The following GSTM4 variants were observed in gnomAD, a reference collection of about 807,000 sequenced individuals.
GSTM4 encodes the protein GST class-mu 4.
In GSTM4, 27 loss-of-function variants were observed where a neutral mutation model predicts 30.1. The ratio of observed to expected loss-of-function variants is 0.90; its 90% CI spans 0.66 to 1.24. The LOEUF (loss-of-function observed/expected upper bound fraction) is 1.24, where lower values mean the gene tolerates loss of function less well. Among genes scored for constraint, GSTM4 ranks in the 50% most tolerant of loss-of-function variants. The pLI is 0.00. For synonymous variants in GSTM4, 94 were observed against 96.2 expected (o/e 0.98, Z 0.13); for missense variants, 238 against 272.1 (o/e 0.87, Z 0.88).
rs146765119 is a variant in GSTM4 at position 109,661,472 on chromosome 1, A to G, written c.*218A>G. ...AAGCCTCAGCTACCCACTTTCCTTC[A>G]TGAACATCCCCCTCCCAACACTACC... On this transcript the variant is annotated 3_prime_UTR_variant, in exon 8 of 8. Transcript: ENST00000369836. 1.8e-3 allele frequency: 2,538 copies of G among 1,407,010 alleles called. 29 individuals carry two copies. The South Asian group carries it at 0.02, about 11-fold the overall frequency. The allele number at this position is 1,407,010 out of a possible 1,614,324, so 87.2% of individuals were successfully genotyped here.
downstream of GSTM4, among the ~76,000 whole-genome samples, chr1:109,666,456 CAGAG>C (rs1156434627): frequency 6.6e-6 from 1 of 152,198 alleles, no homozygotes; most frequent in African/African-American, 2.4e-5. Flanking sequence ...GTCTGACTGG[CAGAG>C]AGAGTCCCAT....
chr1:109,664,954 G>T (rs1647256436), downstream of GSTM4: 3 of 1,600,648 alleles, frequency 1.9e-6, no homozygotes, highest in Admixed American at 1.7e-5. Context: ...TGATCTTGTG[G>T]CAGTCAAGAC....
At position 109,656,993 on chromosome 1, in the gene GSTM4, G is replaced by T. The variant is rs185093708; in HGVS notation, c.112+206G>T. The T allele has an allele frequency of 2.9e-5, 23 of 780,060 alleles. No individual in the cohort carries two copies. In the African/African-American group the frequency reaches 3.3e-4, roughly 11 times the overall value. 48.3% of individuals were successfully genotyped at this position (780,060 alleles called of 1,614,324 possible). A position where few individuals can be genotyped will look rare whatever the true frequency, so the allele number is the denominator to read the frequency against. On this transcript the variant is annotated intron_variant, in intron 2 of 7. Coordinates refer to ENST00000369836, the MANE Select transcript of GSTM4 (RefSeq NM_000850.5). Reference sequence around the variant, plus strand: ...CTGGGCCCCCTGTTTAATTGGGTTGGGTGTCCCTCAGAGCTTCCCTAAACC... The same window carrying T: ...CTGGGCCCCCTGTTTAATTGGGTTGTGTGTCCCTCAGAGCTTCCCTAAACC...
chr1:109,665,405 G>A (rs377416853), downstream of GSTM4: 11 of 255,972 alleles, frequency 4.3e-5, no homozygotes, highest in East Asian at 5.6e-4. Flanking sequence ...TCCTGCAGTC[G>A]GCAGATCATG....
At chr1:109,664,906 C>A, downstream of GSTM4, 1 of 1,212,358 alleles carries the variant, frequency 8.2e-7, no homozygotes, top group Non-Finnish European at 1.2e-6. Context: ...CCATTCTCTA[C>A]CTGTGGCTTA....
chr1:109,656,493 G>C (rs1313056517), intron 1 of GSTM4, 68 bp downstream of exon 1: 7 of 1,563,906 alleles, frequency 4.5e-6, no homozygotes, highest in African/African-American at 1.4e-5. Context: ...GCTGGGGACC[G>C]GCTCTAGGGA....
At chr1:109,656,583 T>TGTGC (rs1331697500) in intron 1 of GSTM4, 129 bp from the exon 2 acceptor site, 1 of 634,870 alleles carries the variant, frequency 1.6e-6, no homozygotes, top group East Asian at 3.2e-5. Flanking sequence ...TGTGTGTGTG[T>TGTGC]GTGTGTGCGT....
chr1:109,657,050 C>T (rs1157246002), intron 2 of GSTM4, 165 bp from the exon 3 acceptor site: 40 of 815,632 alleles, frequency 4.9e-5, no homozygotes, highest in Non-Finnish European at 7.7e-5. Flanking sequence ...GGTCCAGAGC[C>T]CTCAGCGGGA....
chr1:109,665,588 A>AACAC (rs891376878), downstream of GSTM4: 1 of 152,520 alleles, frequency 6.6e-6, no homozygotes, highest in Non-Finnish European at 1.5e-5. Context: ...AACAAACAAA[A>AACAC]ACACACACAC....
At chr1:109,666,264 G>C (rs994557836), downstream of GSTM4, among the ~76,000 whole-genome samples, 1 of 152,042 alleles carries the variant, frequency 6.6e-6, no homozygotes, top group Non-Finnish European at 1.5e-5. Flanking sequence ...GCTAATTTTC[G>C]TATATTTGGT....
chr1:109,657,538 G>A (rs1377241987), intron 3 of GSTM4, 52 bp from the exon 4 acceptor site: 2 of 1,613,334 alleles, frequency 1.2e-6, no homozygotes, highest in East Asian at 2.2e-5. Flanking sequence ...GGAAGGGGAT[G>A]CTGGGGAGCC....
downstream of GSTM4, among the ~76,000 whole-genome samples, chr1:109,666,860 G>A (rs1647342896): frequency 6.6e-6 from 1 of 152,100 alleles, no homozygotes; most frequent in Non-Finnish European, 1.5e-5. Context: ...TGAGTAGCTG[G>A]GATTACAGGC....
chr1:109,656,589 T>TGA, intron 1 of GSTM4, 123 bp from the exon 2 acceptor site: 1 of 591,138 alleles, frequency 1.7e-6, no homozygotes, highest in Non-Finnish European at 3.0e-6. Context: ...TGTGTGTGTG[T>TGA]GCGTGCGCCG....
intron 5 of GSTM4, chr1:109,658,235 G>A (rs527290853): frequency 3.1e-4 from 89 of 284,102 alleles, no homozygotes; most frequent in Middle Eastern, 1.2e-3. Flanking sequence ...GTAGTGGGAT[G>A]TAATAGCACC....
At chr1:109,666,528 C>T (rs1019645782), downstream of GSTM4, among the ~76,000 whole-genome samples, 1 of 152,262 alleles carries the variant, frequency 6.6e-6, no homozygotes, top group South Asian at 2.1e-4. Context: ...CCTGGTAGAC[C>T]ATTTCCCTGC....
At chr1:109,661,878 T>C (rs1652338243), downstream of GSTM4, 1 of 205,956 alleles carries the variant, frequency 4.9e-6, no homozygotes, top group Non-Finnish European at 8.7e-6. Flanking sequence ...CTTCCCAAGG[T>C]GAAGGGCAGT....
At position 109,656,442 on chromosome 1, in the gene GSTM4, T is replaced by G; in HGVS notation, c.36+17T>G. The G allele has an allele frequency of 1.2e-6, 2 of 1,613,520 alleles. No homozygotes were observed. Among genetic ancestry groups the G allele is most frequent in the Non-Finnish European group, 1.7e-6 (2 of 1,179,570 alleles). On this transcript the variant is annotated intron_variant, in intron 1 of 7. Transcript: ENST00000369836. The stretch of plus-strand genomic sequence containing the variant: ...ATCCGCGGGGTGAGTGAGGGTCCGC[T>G]GCACTGTGGGACCGGGCGCGTGGGC...
At chr1:109,656,691 C>G in intron 1 of GSTM4, 21 bp from the exon 2 acceptor site, 1 of 1,612,426 alleles carries the variant, frequency 6.2e-7, no homozygotes. Flanking sequence ...TCTGACACGA[C>G]CTGCGGGCCA....
chr1:109,661,305 C>T lies in GSTM4; in HGVS notation c.*51C>T, dbSNP rs1337329409. On this transcript the variant is annotated 3_prime_UTR_variant, in exon 8 of 8. Transcript: ENST00000369836. ...TGAGGAGCCCATACTCAGCCTGCTGCCCAGGCTGTGCAGCGCAGCTGGACT... is the reference window on the plus strand; with the variant it reads ...TGAGGAGCCCATACTCAGCCTGCTGTCCAGGCTGTGCAGCGCAGCTGGACT... 1.9e-6 allele frequency: 3 copies of T among 1,612,254 alleles called. No homozygotes were observed. The highest frequency in any genetic ancestry group is 8.5e-7 in the Non-Finnish European group (1 of 1,179,014).
Sources: gnomAD v4.1 joint callset for allele counts (sites outside exome capture counted in the v4.1 genomes callset) on GRCh38, gnomAD v4.1.1 for gene constraint, MANE v1.5 for transcripts, NCBI Gene and HGNC (gene_info 2026-07-23, HGNC 2026-07-21) for gene names.